Variants in NPHS2 observed in about 807,000 individuals in gnomAD.
NPHS2 encodes podocin.
A neutral mutation model predicts 37.1 loss-of-function variants in NPHS2; 36 were observed. The observed-to-expected ratio is 0.97, with a 90% CI of 0.74 to 1.28. The LOEUF (loss-of-function observed/expected upper bound fraction) is 1.28. NPHS2 is among the 50% of genes most tolerant of loss of function. The pLI is 0.00. For missense variants in NPHS2, 447 were observed against 488.1 expected, an observed-to-expected ratio of 0.92 and a Z score of 0.79; for synonymous variants, 196 against 189.3, an observed-to-expected ratio of 1.04 and a Z score of -0.29.
intron 1 of NPHS2, among the ~76,000 whole-genome samples, chr1:179,565,411 C>A (rs1674297917): frequency 6.6e-6 from 1 of 152,162 alleles, no homozygotes. Flanking sequence ...CCTTTTCACG[C>A]CTCAGTTTCT....
At chr1:179,565,219 A>C (rs977002950) in intron 1 of NPHS2, among the ~76,000 whole-genome samples, 12 of 152,194 alleles carry the variant, frequency 7.9e-5, no homozygotes, top group Admixed American at 7.2e-4. Context: ...CGCTGCAGTG[A>C]GTTATGACTG....
At chr1:179,554,933 T>C (rs1221638306) in intron 5 of NPHS2, among the ~76,000 whole-genome samples, 3 of 152,074 alleles carry the variant, frequency 2.0e-5, no homozygotes, top group Non-Finnish European at 4.4e-5. Context: ...CAAATGGTGA[T>C]TTGACTACAG....
chr1:179,551,628 C>T (rs759753192), intron 7 of NPHS2, 177 bp from the exon 8 acceptor site: 1 of 671,744 alleles, frequency 1.5e-6, no homozygotes, highest in Admixed American at 2.6e-5. Flanking sequence ...ACAGATTAAA[C>T]TGTTAATCAC....
chr1:179,552,747 A>C, intron 6 of NPHS2, 66 bp from the exon 7 acceptor site: 1 of 1,231,090 alleles, frequency 8.1e-7, no homozygotes, highest in Non-Finnish European at 1.2e-6. Flanking sequence ...GCTTTCACAC[A>C]GACTTGCAAG....
chr1:179,551,526 A>C (rs1673282034), intron 7 of NPHS2, 75 bp from the exon 8 acceptor site: 5 of 1,555,652 alleles, frequency 3.2e-6, no homozygotes, highest in Non-Finnish European at 4.4e-6. Flanking sequence ...AGTATGACTC[A>C]GCAGACAAGC....
chr1:179,557,243 A>T lies in NPHS2; in HGVS notation c.535-13T>A, dbSNP rs1673970649. The T allele has an allele frequency of 1.9e-6, 3 of 1,611,196 alleles. No individual in the cohort carries two copies. Among genetic ancestry groups the T allele is most frequent in the Non-Finnish European group, 2.5e-6 (3 of 1,177,526 alleles). ...CTTTGGTCACGATCTAGGCAGAAAA[A>T]AGTTTGGATGACAGGCTTGATTCTT... On this transcript the variant is annotated splice_polypyrimidine_tract_variant and intron_variant, in intron 4 of 7. Transcript: ENST00000367615.
Position 179,575,667 on chromosome 1 carries a change from G to T in NPHS2, c.198C>A (p.Asp66Glu), listed in dbSNP as rs1226582592. The change falls in exon 1 of 8, where the codon GAC (aspartate) becomes GAA (glutamate). Residue 66 changes from aspartate to glutamate, a missense_variant. Asp to Glu is a conservative substitution (Grantham distance 45). Transcript: ENST00000367615. ...CGCCGGAGCCTCGGACCTCATCCAC[G>T]TCCACCACCGTGGCGGCGGGCGCTC... ...EPRAPAATVV[D>E]VDEVRGSGEE... 2.5e-6 allele frequency: 4 copies of T among 1,602,752 alleles called. No individual in the cohort carries two copies. Among genetic ancestry groups the T allele is most frequent in the Admixed American group, 1.7e-5 (1 of 59,884 alleles).
intron 7 of NPHS2, chr1:179,552,033 A>T (rs1297464878): frequency 1.8e-5 from 3 of 167,628 alleles, no homozygotes; most frequent in Admixed American, 1.7e-4. Context: ...CTTTCAGAGA[A>T]ATCTGCCTCC....
rs1032854949 is a variant in NPHS2, at chr1:179,554,457, T to C, written c.794+19A>G. ...TTTTCCTTTATCATACAGTTCTTGCTAGTTAATTTCCTACCCACATTTCTA... is the reference window on the plus strand; with the variant it reads ...TTTTCCTTTATCATACAGTTCTTGCCAGTTAATTTCCTACCCACATTTCTA... On this transcript the variant is annotated intron_variant, in intron 6 of 7. Transcript: ENST00000367615. 11 of 1,613,988 alleles carry C rather than the reference T, an allele frequency of 6.8e-6. No homozygotes were observed. The highest frequency in any genetic ancestry group is 9.3e-6 in the Non-Finnish European group (11 of 1,179,972).
rs751767084 is a variant in NPHS2 at position 179,552,604 on chromosome 1, C to T, written c.872G>A (p.Arg291Gln). 118 of 1,612,590 alleles carry T rather than the reference C, an allele frequency of 7.3e-5. No individual in the cohort carries two copies. Among genetic ancestry groups the T allele is most frequent in the Middle Eastern group, 3.3e-4 (2 of 6,076 alleles). The change falls in exon 7 of 8, where the codon CGG becomes CAG. Residue 291 changes from arginine to glutamine, a missense_variant and splice_region_variant. Arg to Gln is a conservative substitution (Grantham distance 43). Transcript: ENST00000367615. ...EAEAQRQAKV[R>Q]MIAAEAEKAA... ...TGGGTGGGAGGATGGAGTGCTCACC[C>T]GCACTTTGGCTTGTCTTTGCGCTTC...
At chr1:179,559,831 G>A in intron 3 of NPHS2, 70 bp from the exon 4 acceptor site, 1 of 995,814 alleles carries the variant, frequency 1.0e-6, no homozygotes, top group Non-Finnish European at 1.5e-6. Context: ...CACCTTTCTG[G>A]GGTCAGGTTG....
intron 4 of NPHS2, among the ~76,000 whole-genome samples, chr1:179,558,969 G>T (rs571926760): frequency 5.3e-5 from 8 of 152,222 alleles, no homozygotes; most frequent in Admixed American, 3.9e-4. Context: ...GTGTATGTGT[G>T]TGTTTAGGTT....
intron 1 of NPHS2, among the ~76,000 whole-genome samples, chr1:179,569,537 T>A (rs1674472629): frequency 6.6e-6 from 1 of 152,232 alleles, no homozygotes; most frequent in African/African-American, 2.4e-5. Context: ...TTTAGCCCAC[T>A]TACATTTAAG....
chr1:179,566,479 G>C (rs1405932498), intron 1 of NPHS2, among the ~76,000 whole-genome samples: 1 of 151,130 alleles, frequency 6.6e-6, no homozygotes, highest in Non-Finnish European at 1.5e-5. Flanking sequence ...TTGTCAGATG[G>C]GTAGATTGCA....
intron 4 of NPHS2, among the ~76,000 whole-genome samples, chr1:179,557,452 A>C (rs1325331642): frequency 6.6e-6 from 1 of 152,222 alleles, no homozygotes; most frequent in Non-Finnish European, 1.5e-5. Context: ...TTTTGTAAAA[A>C]AAATCAGAAA....
At chr1:179,571,078 G>C (rs911434224) in intron 1 of NPHS2, among the ~76,000 whole-genome samples, 1 of 152,214 alleles carries the variant, frequency 6.6e-6, no homozygotes, top group Non-Finnish European at 1.5e-5. Flanking sequence ...AGTCCTCAAA[G>C]TCATTCTCCA....
At position 179,560,404 on chromosome 1, in the gene NPHS2, A is replaced by G. The variant is rs142567262; in HGVS notation, c.452-643T>C. Among the ~76,000 whole-genome samples, 305 of 152,276 alleles carry G rather than the reference A, an allele frequency of 2.0e-3. 1 individual carries two copies. Among genetic ancestry groups the G allele is most frequent in the African/African-American group, 7.0e-3 (291 of 41,562 alleles). On this transcript the variant is annotated intron_variant, in intron 3 of 7. Transcript: ENST00000367615. ...CAAAAGCCAAAGCTTTGTTGAAACA[A>G]GCAGCACCTCACAGAGTCCAGGATA... is the stretch of plus-strand genomic sequence containing the variant.
intron 1 of NPHS2, among the ~76,000 whole-genome samples, chr1:179,573,341 C>T (rs750947858): frequency 6.6e-6 from 1 of 152,208 alleles, no homozygotes; most frequent in Non-Finnish European, 1.5e-5. Context: ...CTACGAAATA[C>T]TAATCCCACG....
At chr1:179,551,510 C>A (rs1572256659) in intron 7 of NPHS2, 59 bp from the exon 8 acceptor site, 1 of 1,599,408 alleles carries the variant, frequency 6.3e-7, no homozygotes, top group East Asian at 2.2e-5. Context: ...GGCTTCACCA[C>A]TATGCAGTAT....
Sources: gnomAD v4.1 joint callset for allele counts (sites outside exome capture counted in the v4.1 genomes callset) on GRCh38, gnomAD v4.1.1 for gene constraint, MANE v1.5 for transcripts, NCBI Gene and HGNC (gene_info 2026-07-23, HGNC 2026-07-21) for gene names.